PEX5L: variants seen among roughly 807,000 people sequenced by gnomAD.
The protein encoded by PEX5L is PEX5-related protein.
PEX5L carries 30 observed loss-of-function variants against 84.0 expected under a neutral mutation model. The observed-to-expected ratio is 0.36, with a 90% CI of 0.27 to 0.48. PEX5L has a LOEUF of 0.48. Among genes scored for constraint, PEX5L ranks in the 20% least tolerant of loss-of-function variants. The pLI is 0.99. For synonymous variants in PEX5L, 270 were observed against 283.1 expected (o/e 0.95, Z 0.46); for missense variants, 533 against 754.6 (o/e 0.71, Z 3.44).
intron 1 of PEX5L, among the ~76,000 whole-genome samples, chr3:179,988,432 GA>G: frequency 7.6e-6 from 1 of 131,856 alleles, no homozygotes; most frequent in East Asian, 2.0e-4. Flanking sequence ...AATAAAAAAA[GA>G]AAGAAGAGGT....
At chr3:180,033,604 T>C (rs1037085016) in intron 1 of PEX5L, among the ~76,000 whole-genome samples, 1 of 152,168 alleles carries the variant, frequency 6.6e-6, no homozygotes, top group Non-Finnish European at 1.5e-5. Context: ...GCCCTGAACA[T>C]ACAGAGGTAT....
At position 179,809,073 on chromosome 3, in the gene PEX5L, CAA is replaced by C. The variant is rs10684376; in HGVS notation, c.1352+396_1352+397del. 2.2e-3 allele frequency among the ~76,000 whole-genome samples: 107 copies of C among 47,762 alleles called. 1 individual carries two copies. The East Asian group carries it at 0.031, about 14-fold the overall frequency. 31.3% of individuals were successfully genotyped at this position (47,762 alleles called of 152,430 possible). On this transcript the variant is annotated intron_variant, in intron 12 of 14. Coordinates refer to ENST00000467460, the MANE Select transcript of PEX5L (RefSeq NM_016559.3). Reference sequence around the variant, plus strand: ...TGGGCGACAGAGTGAGATTCCGCCTCAAAAAAAAAAAAAAAAAAAAAAAAAAA... The same window carrying C: ...TGGGCGACAGAGTGAGATTCCGCCTCAAAAAAAAAAAAAAAAAAAAAAAAA...
intron 2 of PEX5L, among the ~76,000 whole-genome samples, chr3:179,933,626 T>C (rs1048912114): frequency 1.3e-5 from 2 of 152,210 alleles, no homozygotes; most frequent in African/African-American, 4.8e-5. Flanking sequence ...ATCAAAAATC[T>C]TTACTTTTCC....
At chr3:179,967,546 A>G (rs1281793785) in intron 2 of PEX5L, among the ~76,000 whole-genome samples, 1 of 152,158 alleles carries the variant, frequency 6.6e-6, no homozygotes, top group Admixed American at 6.6e-5. Flanking sequence ...GAGGTTCAAG[A>G]TTACCAGATT....
intron 8 of PEX5L, among the ~76,000 whole-genome samples, chr3:179,837,621 G>A (rs1350765392): frequency 6.6e-6 from 1 of 152,200 alleles, no homozygotes; most frequent in Non-Finnish European, 1.5e-5. Context: ...ATTGGTACAA[G>A]TGGTCCCTTT....
chr3:179,967,362 G>T (rs1003587404), intron 2 of PEX5L, among the ~76,000 whole-genome samples: 1 of 152,268 alleles, frequency 6.6e-6, no homozygotes, highest in Middle Eastern at 3.4e-3. Flanking sequence ...ATGAAGGGAG[G>T]TGGAGAGTGA....
chr3:179,929,007 C>T (rs1772245160), intron 2 of PEX5L, among the ~76,000 whole-genome samples: 1 of 152,168 alleles, frequency 6.6e-6, no homozygotes, highest in Non-Finnish European at 1.5e-5. Context: ...TTCTTCTTTT[C>T]TAACTCTGTT....
At chr3:180,032,485 G>A (rs1323637323) in intron 1 of PEX5L, among the ~76,000 whole-genome samples, 3 of 152,152 alleles carry the variant, frequency 2.0e-5, no homozygotes, top group Admixed American at 6.5e-5. Flanking sequence ...GCGTGCAGGT[G>A]GTTTATTGCT....
At chr3:179,952,416 G>A (rs1779336356) in intron 2 of PEX5L, among the ~76,000 whole-genome samples, 1 of 152,058 alleles carries the variant, frequency 6.6e-6, no homozygotes, top group Non-Finnish European at 1.5e-5. Context: ...GGGGGGTGTG[G>A]GAAGAAGGGA....
chr3:179,830,557 G>A (rs895663349), intron 8 of PEX5L, among the ~76,000 whole-genome samples: 2 of 152,142 alleles, frequency 1.3e-5, no homozygotes, highest in Non-Finnish European at 2.9e-5. Context: ...AGCTATTCGT[G>A]CCTAATGTGG....
intron 2 of PEX5L, among the ~76,000 whole-genome samples, chr3:179,913,807 T>C (rs1397681673): frequency 6.6e-6 from 1 of 152,212 alleles, no homozygotes; most frequent in East Asian, 1.9e-4. Flanking sequence ...ACAGAATTCA[T>C]TGTCTAGCTA....
At chr3:179,817,591 G>A (rs72622576) in intron 9 of PEX5L, among the ~76,000 whole-genome samples, 32,257 of 152,134 alleles carry the variant, frequency 0.21, 3,668 homozygotes, top group African/African-American at 0.29. Context: ...TTGTTTTTGA[G>A]AAAAATTTGT....
chr3:179,836,749 T>C (rs890943761), intron 8 of PEX5L, among the ~76,000 whole-genome samples: 4 of 152,210 alleles, frequency 2.6e-5, no homozygotes, highest in East Asian at 1.9e-4. Flanking sequence ...ACAGTAGTCA[T>C]GGGATTATTC....
intron 1 of PEX5L, among the ~76,000 whole-genome samples, chr3:180,031,565 T>G (rs939382051): frequency 6.6e-6 from 1 of 152,220 alleles, no homozygotes; most frequent in African/African-American, 2.4e-5. Context: ...TCCCAAACAT[T>G]CAGATTGGAT....
At chr3:179,862,419 G>A (rs1482443577) in intron 7 of PEX5L, among the ~76,000 whole-genome samples, 1 of 152,206 alleles carries the variant, frequency 6.6e-6, no homozygotes, top group African/African-American at 2.4e-5. Context: ...TTAGGATTAA[G>A]TCGTTAGGAT....
At chr3:180,025,731 T>C (rs1790888218) in intron 1 of PEX5L, among the ~76,000 whole-genome samples, 1 of 152,230 alleles carries the variant, frequency 6.6e-6, no homozygotes, top group Admixed American at 6.5e-5. Context: ...TCTGCCACTA[T>C]TGTGAACAAC....
intron 8 of PEX5L, among the ~76,000 whole-genome samples, chr3:179,831,245 C>T (rs560110547): frequency 6.6e-6 from 1 of 150,454 alleles, no homozygotes; most frequent in Admixed American, 6.6e-5. Context: ...ACCCAGGAGG[C>T]AGAGGTTGCA....
chr3:179,864,949 A>T (rs190035504), intron 7 of PEX5L, among the ~76,000 whole-genome samples: 1 of 152,260 alleles, frequency 6.6e-6, no homozygotes, highest in Admixed American at 6.5e-5. Context: ...CTTAGCAGGC[A>T]CTTCTCACCA....
chr3:180,032,553 C>T (rs1002241095), intron 1 of PEX5L, among the ~76,000 whole-genome samples: 1 of 152,266 alleles, frequency 6.6e-6, no homozygotes, highest in Non-Finnish European at 1.5e-5. Flanking sequence ...AAAGAAAGAA[C>T]ACAGGATGGA....
Sources: gnomAD v4.1 joint callset for allele counts (sites outside exome capture counted in the v4.1 genomes callset) on GRCh38, gnomAD v4.1.1 for gene constraint, MANE v1.5 for transcripts, NCBI Gene and HGNC (gene_info 2026-07-23, HGNC 2026-07-21) for gene names.